The following ATOSA variants were observed in gnomAD, a reference collection of about 807,000 sequenced individuals.
ATOSA encodes the protein atos homolog protein A.
chr15:52,598,714 G>A, the ATOSA span: 1 of 151,920 alleles, frequency 6.6e-6, no homozygotes, highest in African/African-American at 2.4e-5. Flanking sequence ...AAAAAACTGT[G>A]TACTGATCTT....
the ATOSA span, among the ~76,000 whole-genome samples, chr15:52,667,874 G>A: frequency 6.6e-6 from 1 of 152,210 alleles, no homozygotes; most frequent in Non-Finnish European, 1.5e-5. Context: ...CCTTACTCCG[G>A]TTAGAATGGC....
the ATOSA span, chr15:52,608,478 T>C: frequency 1.5e-6 from 2 of 1,307,120 alleles, no homozygotes; most frequent in Non-Finnish European, 2.1e-6. Context: ...TAATGGAACC[T>C]TGGGCCTTTA....
chr15:52,673,395 G>C, the ATOSA span, among the ~76,000 whole-genome samples: 1 of 152,214 alleles, frequency 6.6e-6, no homozygotes, highest in Admixed American at 6.5e-5. Flanking sequence ...ATATGCTCAA[G>C]TTCACTTCAC....
the ATOSA span, among the ~76,000 whole-genome samples, chr15:52,597,508 C>T: frequency 6.6e-6 from 1 of 152,172 alleles, no homozygotes; most frequent in Non-Finnish European, 1.5e-5. Flanking sequence ...TTAAATAAAT[C>T]CCCAAGCCAC....
At chr15:52,613,739 A>G in the ATOSA span, 5 of 1,613,900 alleles carry the variant, frequency 3.1e-6, no homozygotes, top group Non-Finnish European at 4.2e-6. Flanking sequence ...CTGGAGGGCA[A>G]TGAAAGCTTT....
chr15:52,581,416 AGTAATTTAAT>A, the ATOSA span: 5 of 152,248 alleles, frequency 3.3e-5, no homozygotes, highest in Admixed American at 2.6e-4. Context: ...AGCATACGAC[AGTAATTTAAT>A]GTAAAGACTC....
the ATOSA span, among the ~76,000 whole-genome samples, chr15:52,639,754 A>G: frequency 6.6e-6 from 1 of 151,972 alleles, no homozygotes; most frequent in African/African-American, 2.4e-5. Flanking sequence ...TCTGTGGTGA[A>G]TATTTATTTT....
the ATOSA span, chr15:52,600,194 T>C: frequency 6.2e-7 from 1 of 1,612,022 alleles, no homozygotes; most frequent in African/African-American, 1.3e-5. Flanking sequence ...TGGTTTTTCA[T>C]GAATATCTGG....
chr15:52,662,473 A>G, the ATOSA span, among the ~76,000 whole-genome samples: 2 of 152,170 alleles, frequency 1.3e-5, no homozygotes, highest in Non-Finnish European at 2.9e-5. Context: ...AGAGTATTAT[A>G]AAACAACAGA....
chr15:52,616,511 A>G, the ATOSA span, among the ~76,000 whole-genome samples: 1 of 152,138 alleles, frequency 6.6e-6, no homozygotes, highest in Admixed American at 6.5e-5. Flanking sequence ...AGGCAAGAGA[A>G]TCCATTGAGC....
At chr15:52,686,457 A>G in the ATOSA span, among the ~76,000 whole-genome samples, 2 of 152,240 alleles carry the variant, frequency 1.3e-5, no homozygotes, top group Non-Finnish European at 2.9e-5. Flanking sequence ...TTACTGTCTC[A>G]ATTTAAGAAA....
At chr15:52,630,358 A>G in the ATOSA span, among the ~76,000 whole-genome samples, 1 of 152,216 alleles carries the variant, frequency 6.6e-6, no homozygotes, top group Non-Finnish European at 1.5e-5. Flanking sequence ...GACATGCCAA[A>G]AACAAAGAAA....
At chr15:52,669,754 G>A in the ATOSA span, among the ~76,000 whole-genome samples, 14 of 152,172 alleles carry the variant, frequency 9.2e-5, no homozygotes, top group Non-Finnish European at 1.5e-5. Flanking sequence ...CAAGCAATAT[G>A]AGTTATGATT....
chr15:52,641,454 A>G, the ATOSA span, among the ~76,000 whole-genome samples: 1 of 152,236 alleles, frequency 6.6e-6, no homozygotes, highest in Non-Finnish European at 1.5e-5. Flanking sequence ...AGGGTAGACC[A>G]TGTTCCACGA....
At chr15:52,588,917 A>C in the ATOSA span, among the ~76,000 whole-genome samples, 1 of 152,254 alleles carries the variant, frequency 6.6e-6, no homozygotes, top group African/African-American at 2.4e-5. Flanking sequence ...ATAAAACAGC[A>C]CTGTTCTATC....
chr15:52,656,128 G>C, the ATOSA span: 1 of 151,984 alleles, frequency 6.6e-6, no homozygotes, highest in Admixed American at 6.6e-5. Flanking sequence ...CTGTGAAGCT[G>C]ATTTTTTTTT....
the ATOSA span, among the ~76,000 whole-genome samples, chr15:52,624,132 T>C: frequency 6.6e-6 from 1 of 152,254 alleles, no homozygotes; most frequent in Non-Finnish European, 1.5e-5. Flanking sequence ...CTAGCTATTG[T>C]CTAGGACTCT....
At chr15:52,695,696 T>A in the ATOSA span, among the ~76,000 whole-genome samples, 1 of 152,188 alleles carries the variant, frequency 6.6e-6, no homozygotes, top group East Asian at 1.9e-4. Context: ...AGGAAAAAAT[T>A]GAGCAGAATA....
At chr15:52,635,336 T>G in the ATOSA span, among the ~76,000 whole-genome samples, 1 of 152,200 alleles carries the variant, frequency 6.6e-6, no homozygotes, top group African/African-American at 2.4e-5. Context: ...CCTTACCAGA[T>G]GCACACAAAA....
Sources: gnomAD v4.1 joint callset for allele counts (sites outside exome capture counted in the v4.1 genomes callset) on GRCh38, gnomAD v4.1.1 for gene constraint, MANE v1.5 for transcripts, NCBI Gene and HGNC (gene_info 2026-07-23, HGNC 2026-07-21) for gene names.